Variants in FAM120A observed in about 807,000 individuals in gnomAD.
The protein encoded by FAM120A is constitutive coactivator of PPAR-gamma-like protein 1.
FAM120A carries 15 observed loss-of-function variants against 109.7 expected under a neutral mutation model. The observed-to-expected ratio is 0.14, with a 90% CI of 0.09 to 0.21. The LOEUF (loss-of-function observed/expected upper bound fraction) is 0.21, where lower values mean the gene tolerates loss of function less well. Ranked by LOEUF, FAM120A falls within the 10% of genes least tolerant of loss-of-function variation. FAM120A has a pLI of 1.00. For missense variants in FAM120A, 899 were observed against 1,439.3 expected (o/e 0.62, Z 6.07); for synonymous variants, 493 against 572.8 (o/e 0.86, Z 1.99).
chr9:93,499,541 G>A (rs1859712769), intron 5 of FAM120A, among the ~76,000 whole-genome samples: 2 of 152,130 alleles, frequency 1.3e-5, no homozygotes, highest in Non-Finnish European at 2.9e-5. Context: ...GCCCATCTCA[G>A]CCTCCCAAAA....
At position 93,563,965 on chromosome 9, in the gene FAM120A, G is replaced by C. The variant is rs552835796; in HGVS notation, c.3046-264G>C. ...CAATTTAGTGCCATACAAAGGATTA[G>C]ACAGAGCTCCTGAAGGGGGAATCTC... On this transcript the variant is annotated intron_variant, in intron 17 of 17. Coordinates refer to ENST00000277165, the MANE Select transcript of FAM120A (RefSeq NM_014612.5). 2.4e-4 allele frequency among the ~76,000 whole-genome samples: 36 copies of C among 152,346 alleles called. No homozygotes were observed. The South Asian group carries it at 3.9e-3, about 17-fold the overall frequency.
chr9:93,498,661 G>A lies in FAM120A; in HGVS notation c.934-129G>A. 1.4e-6 allele frequency: 1 copy of A among 702,086 alleles called. No homozygotes were observed. The highest frequency in any genetic ancestry group is 2.6e-6 in the Non-Finnish European group (1 of 391,024). The allele number at this position is 702,086 out of a possible 1,614,324, so 43.5% of individuals were successfully genotyped here. On this transcript the variant is annotated intron_variant, in intron 4 of 17. Coordinates refer to ENST00000277165, the MANE Select transcript of FAM120A (RefSeq NM_014612.5). The surrounding 1 kb of genome is among the most constrained non-coding windows in gnomAD (Gnocchi z 4.4). ...ATTGATTTTCCCTGAAAGTTTTAATGTCATTCAAAATTCTTCTCTAACTTG... is the reference window on the plus strand; with the variant it reads ...ATTGATTTTCCCTGAAAGTTTTAATATCATTCAAAATTCTTCTCTAACTTG...
chr9:93,503,892 A>G (rs1859914488), intron 5 of FAM120A, among the ~76,000 whole-genome samples: 1 of 152,130 alleles, frequency 6.6e-6, no homozygotes, highest in Non-Finnish European at 1.5e-5. Context: ...GCATTTCATG[A>G]CAGGCAGTGT....
intron 15 of FAM120A, among the ~76,000 whole-genome samples, chr9:93,560,763 C>T (rs888462086): frequency 6.6e-6 from 1 of 152,168 alleles, no homozygotes. Context: ...TAGAAGTATT[C>T]GCCTAAAGAG....
At chr9:93,539,387 T>G (rs1405229210) in intron 10 of FAM120A, among the ~76,000 whole-genome samples, 1 of 152,252 alleles carries the variant, frequency 6.6e-6, no homozygotes, top group Non-Finnish European at 1.5e-5. Context: ...AGTAGGCTAC[T>G]TCCTGAAGTA....
At chr9:93,512,737 G>A (rs1363371023) in intron 5 of FAM120A, among the ~76,000 whole-genome samples, 1 of 152,228 alleles carries the variant, frequency 6.6e-6, no homozygotes, top group South Asian at 2.1e-4. Context: ...GCCTGAATCC[G>A]CAGAGGGAGA....
chr9:93,451,760 T>G lies in FAM120A; in HGVS notation c.-156T>G, dbSNP rs961473469. ...CATGGCCCTGGGAGGCGGCAGCACA[T>G]GGCGGCCGCGGCGGCCATGAGCGCG... On this transcript the variant is annotated 5_prime_UTR_variant, in exon 1 of 18. An upstream start codon of the reference 5' UTR is lost. Transcript: ENST00000277165. 121 of 972,206 alleles carry G rather than the reference T, an allele frequency of 1.2e-4. No homozygotes were observed. Among genetic ancestry groups the G allele is most frequent in the Non-Finnish European group, 1.4e-4 (118 of 826,920 alleles). The allele number at this position is 972,206 out of a possible 1,614,324, so 60.2% of individuals were successfully genotyped here.
chr9:93,536,157 G>C (rs918053388), intron 10 of FAM120A, among the ~76,000 whole-genome samples: 1 of 152,216 alleles, frequency 6.6e-6, no homozygotes, highest in Non-Finnish European at 1.5e-5. Context: ...TTTAGATCTT[G>C]TTGAAATTTG....
chr9:93,537,254 G>T (rs1861548848), intron 10 of FAM120A, among the ~76,000 whole-genome samples: 1 of 152,160 alleles, frequency 6.6e-6, no homozygotes, highest in South Asian at 2.1e-4. Flanking sequence ...AGTCACTGGG[G>T]TTCTTTCTTT....
intron 3 of FAM120A, among the ~76,000 whole-genome samples, chr9:93,491,735 A>G (rs1859329573): frequency 6.6e-6 from 1 of 152,210 alleles, no homozygotes; most frequent in African/African-American, 2.4e-5. Context: ...TTGCTTGTTA[A>G]TTAAGTTTAC....
Position 93,521,451 on chromosome 9 carries a change from A to T in FAM120A, c.1418+5182A>T, listed in dbSNP as rs578188561. On this transcript the variant is annotated intron_variant, in intron 7 of 17. Transcript: ENST00000277165. ...TTAAAAATTAGCCAGACATGGTGGCATGTGCCTGTGGGTCCAGCAACCTGG... is the reference window on the plus strand; with the variant it reads ...TTAAAAATTAGCCAGACATGGTGGCTTGTGCCTGTGGGTCCAGCAACCTGG... Among the ~76,000 whole-genome samples the T allele has an allele frequency of 5.3e-5, 8 of 152,238 alleles. No individual in the cohort carries two copies. In the East Asian group the frequency reaches 1.5e-3, roughly 29 times the overall value.
At chr9:93,519,473 C>T (rs1403477469) in intron 7 of FAM120A, among the ~76,000 whole-genome samples, 1 of 152,100 alleles carries the variant, frequency 6.6e-6, no homozygotes, top group African/African-American at 2.4e-5. Flanking sequence ...AAACTCCTGA[C>T]CTCAGGTGAT....
At position 93,451,777 on chromosome 9, in the gene FAM120A, A is replaced by T; in HGVS notation, c.-139A>T. 1 of 971,162 alleles carries T rather than the reference A, an allele frequency of 1.0e-6. No individual in the cohort carries two copies. The highest frequency in any genetic ancestry group is 1.2e-6 in the Non-Finnish European group (1 of 825,816). The allele number at this position is 971,162 out of a possible 1,614,324, so 60.2% of individuals were successfully genotyped here. ...GCAGCACATGGCGGCCGCGGCGGCCATGAGCGCGCCCCCGACCCGCCCCAG... is the reference window on the plus strand; with the variant it reads ...GCAGCACATGGCGGCCGCGGCGGCCTTGAGCGCGCCCCCGACCCGCCCCAG... On this transcript the variant is annotated 5_prime_UTR_variant, in exon 1 of 18. An upstream start codon of the reference 5' UTR is lost. Transcript: ENST00000277165.
At chr9:93,544,673 G>T (rs1478404047) in intron 11 of FAM120A, among the ~76,000 whole-genome samples, 4 of 152,074 alleles carry the variant, frequency 2.6e-5, no homozygotes, top group Non-Finnish European at 4.4e-5. Flanking sequence ...AAATCAATCC[G>T]CAGTGATGCT....
rs568204084 is a variant in FAM120A, at chr9:93,504,596, A to G, written c.1030+5710A>G. Among the ~76,000 whole-genome samples, 4 of 152,268 alleles carry G rather than the reference A, an allele frequency of 2.6e-5. No homozygotes were observed. In the East Asian group the frequency reaches 7.7e-4, roughly 29 times the overall value. On this transcript the variant is annotated intron_variant, in intron 5 of 17. Coordinates refer to ENST00000277165, the MANE Select transcript of FAM120A (RefSeq NM_014612.5). ...TGTACTCCTCTGACTTGCCTTCTTA[A>G]TATTTATATTATTGTGTTTCATTCA...
chr9:93,562,150 T>TAATATTAA (rs1862490499), intron 16 of FAM120A, 58 bp from the exon 17 acceptor site: 1 of 1,362,386 alleles, frequency 7.3e-7, no homozygotes, highest in South Asian at 1.2e-5. Context: ...TGATACTATT[T>TAATATTAA]TAAATGTTGT....
chr9:93,516,008 G>A lies in FAM120A; in HGVS notation c.1157G>A (p.Gly386Asp), dbSNP rs112212909. Residue 386 changes from glycine to aspartate, a missense_variant, in exon 7 of 18, where the codon GGC becomes GAC. Physicochemically the swap from Gly to Asp is moderately conservative, Grantham distance 94 (BLOSUM62 -1). This residue lies in a region of FAM120A where 5 missense variants were observed against 53.1 expected (regional missense o/e 0.09). Coordinates refer to ENST00000277165, the MANE Select transcript of FAM120A (RefSeq NM_014612.5). ...PVAPQVPSPG[G>D]APGQGPYPYS... is the part of the protein sequence containing the mutation. ...GCCCCACAGGTGCCCAGCCCAGGGG[G>A]CGCCCCGGGCCAGGGTCCATACCCG... 1.9e-6 allele frequency: 3 copies of A among 1,568,976 alleles called. No individual in the cohort carries two copies. Among genetic ancestry groups the A allele is most frequent in the Non-Finnish European group, 2.6e-6 (3 of 1,154,804 alleles).
At chr9:93,561,771 TAAC>T (rs903552463) in intron 16 of FAM120A, among the ~76,000 whole-genome samples, 37 of 152,052 alleles carry the variant, frequency 2.4e-4, no homozygotes, top group African/African-American at 8.5e-4. Context: ...ATTAAATAAT[TAAC>T]AATTATTAAA....
intron 10 of FAM120A, among the ~76,000 whole-genome samples, chr9:93,535,884 T>C (rs1408824072): frequency 1.3e-5 from 2 of 152,250 alleles, no homozygotes; most frequent in Admixed American, 6.5e-5. Flanking sequence ...TCTGTGTTCA[T>C]GAACATTGCA....
Sources: gnomAD v4.1 joint callset for allele counts (sites outside exome capture counted in the v4.1 genomes callset) on GRCh38, gnomAD v4.1.1 for gene constraint, gnomAD v4.1.1 regional missense constraint, Gnocchi (gnomAD v3.1) non-coding constraint, MANE v1.5 for transcripts, NCBI Gene and HGNC (gene_info 2026-07-23, HGNC 2026-07-21) for gene names.